CABIN1: variants seen among roughly 807,000 people sequenced by gnomAD.
CABIN1 encodes the protein calcineurin-binding protein cabin-1.
A neutral mutation model predicts 227.7 loss-of-function variants in CABIN1; 133 were observed. The ratio of observed to expected loss-of-function variants is 0.58; its 90% CI spans 0.51 to 0.67. The LOEUF (loss-of-function observed/expected upper bound fraction) is 0.67, where lower values mean the gene tolerates loss of function less well. Among genes scored for constraint, CABIN1 ranks in the 30% least tolerant of loss-of-function variants. The pLI is 0.00. For missense variants in CABIN1, 2,408 were observed against 2,852.5 expected, an observed-to-expected ratio of 0.84 and a Z score of 3.55; for synonymous variants, 1,086 against 1,155.1, an observed-to-expected ratio of 0.94 and a Z score of 1.21.
At chr22:24,037,325 T>A (rs1601719657) in intron 3 of CABIN1, among the ~76,000 whole-genome samples, 2 of 149,870 alleles carry the variant, frequency 1.3e-5, no homozygotes, top group South Asian at 4.2e-4. Context: ...ATTTAAGAGA[T>A]AGGGTCTCAC....
chr22:24,146,409 C>T (rs960256719), intron 29 of CABIN1, among the ~76,000 whole-genome samples: 6 of 152,234 alleles, frequency 3.9e-5, no homozygotes, highest in East Asian at 1.9e-4. Context: ...TCACAGCTTC[C>T]GGCTTGCACA....
chr22:24,167,722 T>C (rs2046537900), intron 32 of CABIN1, among the ~76,000 whole-genome samples: 1 of 152,194 alleles, frequency 6.6e-6, no homozygotes, highest in South Asian at 2.1e-4. Context: ...TTTTTCTCCA[T>C]TTAAAATTAT....
At chr22:24,147,913 T>C (rs891699300) in intron 29 of CABIN1, among the ~76,000 whole-genome samples, 1 of 151,880 alleles carries the variant, frequency 6.6e-6, no homozygotes, top group African/African-American at 2.4e-5. Context: ...CTTTGGAAAG[T>C]AGACTGAGCA....
rs771531067 is a variant in CABIN1 at position 24,071,006 on chromosome 22, C to T, written c.2439C>T (p.Thr813=). 3.1e-6 allele frequency: 5 copies of T among 1,614,120 alleles called. No individual in the cohort carries two copies. The South Asian group carries it at 5.5e-5, about 18-fold the overall frequency. Residue 813 remains threonine (T), a synonymous_variant, in exon 17 of 37, where the codon ACC becomes ACT. Transcript: ENST00000263119. ...SGSILKVSSS[T]TGLVRLTNNL... is the part of the protein sequence containing the mutation. Reference sequence around the variant, plus strand: ...GCATCCTGAAGGTATCATCCTCCACCACTGGCCTTGTGCGGCTCACCAACA... The same window carrying T: ...GCATCCTGAAGGTATCATCCTCCACTACTGGCCTTGTGCGGCTCACCAACA...
At chr22:24,053,087 T>TC in intron 8 of CABIN1, among the ~76,000 whole-genome samples, 2 of 147,622 alleles carry the variant, frequency 1.4e-5, no homozygotes, top group East Asian at 1.9e-4. Flanking sequence ...TCTTTTTTTT[T>TC]TTTTTTTTGA....
chr22:24,134,783 A>T (rs2044289394), intron 29 of CABIN1, among the ~76,000 whole-genome samples: 1 of 152,240 alleles, frequency 6.6e-6, no homozygotes, highest in Non-Finnish European at 1.5e-5. Context: ...TGACTGCTTA[A>T]AAAACAAGTG....
At chr22:24,031,827 G>A (rs1246328483) in intron 1 of CABIN1, among the ~76,000 whole-genome samples, 10 of 152,212 alleles carry the variant, frequency 6.6e-5, no homozygotes, top group Non-Finnish European at 1.2e-4. Flanking sequence ...TGAGCTGCAG[G>A]TCTGGCCATG....
Position 24,043,003 on chromosome 22 carries a change from G to A in CABIN1, c.445G>A (p.Glu149Lys), listed in dbSNP as rs1227946513. Reference sequence around the variant, plus strand: ...CCCCCTGGCTCGCCATGCTTTTGAGGAAGGGCTGCGGTGCAATCCTGACCA... The same window carrying A: ...CCCCCTGGCTCGCCATGCTTTTGAGAAAGGGCTGCGGTGCAATCCTGACCA... Reference protein sequence around the residue: ...RIPLARHAFEEGLRCNPDHWP... With the variant: ...RIPLARHAFEKGLRCNPDHWP... The change falls in exon 6 of 37, where the codon GAA becomes AAA. Residue 149 changes from glutamate to lysine, a missense_variant. Physicochemically the swap from Glu to Lys is moderately conservative, Grantham distance 56. This residue lies in a region of CABIN1 where 1,045 missense variants were observed against 1,168.4 expected (regional missense o/e 0.89). Coordinates refer to ENST00000263119, the MANE Select transcript of CABIN1 (RefSeq NM_012295.4). The A allele has an allele frequency of 6.2e-7, 1 of 1,614,052 alleles. No homozygotes were observed. Among genetic ancestry groups the A allele is most frequent in the South Asian group, 1.1e-5 (1 of 91,078 alleles).
chr22:24,063,978 G>A (rs2039392997), intron 14 of CABIN1, 57 bp from the exon 15 acceptor site: 42 of 1,608,656 alleles, frequency 2.6e-5, no homozygotes, highest in Non-Finnish European at 3.5e-5. Context: ...TAAAGCATCT[G>A]GCACATCATA....
chr22:24,027,562 G>A (rs2036184507), intron 1 of CABIN1, among the ~76,000 whole-genome samples: 1 of 152,240 alleles, frequency 6.6e-6, no homozygotes, highest in African/African-American at 2.4e-5. Context: ...AATCCCCGAT[G>A]CAACAGTGTT....
At position 24,091,624 on chromosome 22, in the gene CABIN1, C is replaced by G; in HGVS notation, c.3567C>G (p.His1189Gln). ...RRDSMLETAK[H>Q]CFTSAARCEG... ...ACAGCATGCTAGAGACAGCCAAGCA[C>G]TGTTTCACATCAGCAGCCCGCTGCG... The change falls in exon 24 of 37, where the codon CAC becomes CAG. Residue 1189 changes from histidine to glutamine, a missense_variant. By Grantham distance (24) the His-to-Gln change is conservative. This residue lies in a region of CABIN1 where 649 missense variants were observed against 910.3 expected (regional missense o/e 0.71). Coordinates refer to ENST00000263119, the MANE Select transcript of CABIN1 (RefSeq NM_012295.4). The G allele has an allele frequency of 6.2e-7, 1 of 1,614,226 alleles. No individual in the cohort carries two copies. The highest frequency in any genetic ancestry group is 1.1e-5 in the South Asian group (1 of 91,084).
chr22:24,052,354 A>G (rs1011961817), intron 8 of CABIN1, among the ~76,000 whole-genome samples: 3 of 152,158 alleles, frequency 2.0e-5, no homozygotes, highest in African/African-American at 4.8e-5. Context: ...CTTTTATAGT[A>G]ATCTCCATCT....
At chr22:24,014,043 C>T (rs896945274) in intron 1 of CABIN1, among the ~76,000 whole-genome samples, 2 of 152,164 alleles carry the variant, frequency 1.3e-5, no homozygotes, top group East Asian at 3.8e-4. Context: ...GTTTCTACAC[C>T]ATAAAATTAC....
chr22:24,037,996 T>C (rs1214545088), intron 3 of CABIN1, among the ~76,000 whole-genome samples: 1 of 152,214 alleles, frequency 6.6e-6, no homozygotes, highest in Non-Finnish European at 1.5e-5. Flanking sequence ...GGAGGAGATA[T>C]TTATGGCAAG....
chr22:24,112,612 G>T (rs1481960638), intron 26 of CABIN1, among the ~76,000 whole-genome samples: 1 of 152,108 alleles, frequency 6.6e-6, no homozygotes, highest in Non-Finnish European at 1.5e-5. Flanking sequence ...GTTCTCTGTT[G>T]TCTTGGTCCC....
chr22:24,087,375 T>G (rs1417974934), intron 22 of CABIN1, 77 bp from the exon 23 acceptor site: 1 of 1,586,110 alleles, frequency 6.3e-7, no homozygotes, highest in Non-Finnish European at 8.6e-7. Context: ...TCCATCTGCC[T>G]GTCCACTAGG....
intron 29 of CABIN1, among the ~76,000 whole-genome samples, 193 bp downstream of exon 29, chr22:24,134,608 GCAAGTCACTGCCCC>G (rs1437584713): frequency 6.6e-6 from 1 of 152,166 alleles, no homozygotes; most frequent in Non-Finnish European, 1.5e-5. Flanking sequence ...GCGACTTCTG[GCAAGTCACTGCCCC>G]CTCCTGTGGG....
At chr22:24,171,449 C>T (rs1443417190) in intron 33 of CABIN1, among the ~76,000 whole-genome samples, 1 of 152,198 alleles carries the variant, frequency 6.6e-6, no homozygotes, top group Non-Finnish European at 1.5e-5. Flanking sequence ...CCACTGAGTC[C>T]CCACCAGTAC....
In CABIN1 at chr22:24,171,756, G is replaced by A. The variant is rs1490318678; in HGVS notation, c.5801G>A (p.Ser1934Asn). The change falls in exon 34 of 37, where the codon AGC becomes AAC. Residue 1934 changes from serine (S) to asparagine (N), a missense_variant. Transcript: ENST00000263119. The part of the protein sequence containing the change: ...TPTTPKHPKD[S>N]RENFFPVTVV... ...ACCACTCCAAAGCACCCCAAAGACAGCCGAGAGAACTTCTTTCCTGTGACA... is the reference window on the plus strand; with the variant it reads ...ACCACTCCAAAGCACCCCAAAGACAACCGAGAGAACTTCTTTCCTGTGACA... 3.7e-6 allele frequency: 6 copies of A among 1,614,058 alleles called. No individual in the cohort carries two copies. Among genetic ancestry groups the A allele is most frequent in the African/African-American group, 1.3e-5 (1 of 74,946 alleles).
Sources: allele counts gnomAD v4.1 joint callset (sites outside exome capture counted in the v4.1 genomes callset), GRCh38; gene constraint gnomAD v4.1.1; regional missense constraint gnomAD v4.1.1; transcripts MANE v1.5; gene names NCBI Gene and HGNC (gene_info 2026-07-23, HGNC 2026-07-21).